The following ZFHX3 variants were observed in gnomAD, a reference collection of about 807,000 sequenced individuals.
The protein encoded by ZFHX3 is zinc finger homeobox 3.
In ZFHX3, 42 loss-of-function variants were observed where a neutral mutation model predicts 279.1. The observed-to-expected ratio is 0.15, with a 90% CI of 0.12 to 0.19. The LOEUF is 0.19. ZFHX3 is among the 10% of genes least tolerant of loss of function. The pLI is 1.00. For synonymous variants in ZFHX3, 2,293 were observed against 1,957.8 expected (o/e 1.17, Z -4.52); for missense variants, 4,981 against 4,754.0 (o/e 1.05, Z -1.40).
intron 7 of ZFHX3, among the ~76,000 whole-genome samples, chr16:73,124,119 T>A (rs980527009): frequency 2.0e-5 from 3 of 152,182 alleles, no homozygotes; most frequent in Non-Finnish European, 4.4e-5. Flanking sequence ...TACAACCTTG[T>A]ATAGGAGAGC....
chr16:73,620,919 A>G (rs1169779876), intron 2 of ZFHX3, among the ~76,000 whole-genome samples: 1 of 152,246 alleles, frequency 6.6e-6, no homozygotes, highest in Non-Finnish European at 1.5e-5. Flanking sequence ...TGGGTGAGAC[A>G]CAGCTTGGTG....
chr16:73,729,530 A>G (rs150038859), intron 1 of ZFHX3, among the ~76,000 whole-genome samples: 5,789 of 135,850 alleles, frequency 0.043, 140 homozygotes, highest in African/African-American at 0.087. Flanking sequence ...CTCCATCTCA[A>G]AAACAAACAA....
At chr16:73,699,045 T>C (rs2053223528) in intron 1 of ZFHX3, among the ~76,000 whole-genome samples, 1 of 152,162 alleles carries the variant, frequency 6.6e-6, no homozygotes, top group Non-Finnish European at 1.5e-5. Flanking sequence ...CTACCACGCC[T>C]GACTAATTGC....
chr16:72,812,125 T>C (rs1018938603), intron 5 of ZFHX3, 87 bp from the exon 6 acceptor site: 3 of 1,519,086 alleles, frequency 2.0e-6, no homozygotes, highest in African/African-American at 2.8e-5. Context: ...CAACATTCAT[T>C]TATAGCACAG....
chr16:73,535,130 T>C (rs1440279865), intron 2 of ZFHX3, among the ~76,000 whole-genome samples: 1 of 152,140 alleles, frequency 6.6e-6, no homozygotes, highest in Non-Finnish European at 1.5e-5. Context: ...TTTCCGACAC[T>C]ATGTCCCTGA....
chr16:73,712,922 A>G (rs1381653118), intron 1 of ZFHX3, among the ~76,000 whole-genome samples: 1 of 152,154 alleles, frequency 6.6e-6, no homozygotes. Flanking sequence ...TCCTATGTAC[A>G]TTGCAGGGTG....
At chr16:73,496,754 T>A (rs116818121) in intron 2 of ZFHX3, among the ~76,000 whole-genome samples, 261 of 151,952 alleles carry the variant, frequency 1.7e-3, no homozygotes, top group African/African-American at 5.9e-3. Context: ...TCTTGCCAAA[T>A]GACTTCTGCC....
At chr16:72,997,880 A>C (rs2144587613) in intron 1 of ZFHX3, among the ~76,000 whole-genome samples, 1 of 151,568 alleles carries the variant, frequency 6.6e-6, no homozygotes, top group African/African-American at 2.4e-5. Context: ...AGGAGTTCCA[A>C]GACCAGCCTG....
At chr16:72,791,686 G>C (rs933952908) in intron 9 of ZFHX3, 26 of 152,154 alleles carry the variant, frequency 1.7e-4, no homozygotes, top group African/African-American at 6.3e-4. Context: ...AGGGTCCTGG[G>C]CTGCAGGGGT....
chr16:73,541,442 C>T (rs113348991), intron 2 of ZFHX3, among the ~76,000 whole-genome samples: 1 of 151,986 alleles, frequency 6.6e-6, no homozygotes, highest in African/African-American at 2.4e-5. Context: ...GCTGTGATCA[C>T]AGCACTACAC....
At chr16:73,452,492 T>G (rs952534774) in intron 3 of ZFHX3, among the ~76,000 whole-genome samples, 1 of 152,214 alleles carries the variant, frequency 6.6e-6, no homozygotes, top group Non-Finnish European at 1.5e-5. Flanking sequence ...GGTAGTTAAA[T>G]CATTTTCCAT....
intron 1 of ZFHX3, among the ~76,000 whole-genome samples, chr16:73,018,420 A>G (rs1035289557): frequency 1.1e-4 from 16 of 152,126 alleles, no homozygotes; most frequent in Admixed American, 9.8e-4. Flanking sequence ...ATCCTGGCCA[A>G]CATGGTGAAA....
At position 72,951,575 on chromosome 16, in the gene ZFHX3, T is replaced by G. The variant is rs563877917; in HGVS notation, c.2720-610A>C. Among the ~76,000 whole-genome samples the G allele has an allele frequency of 6.2e-4, 95 of 152,318 alleles. 1 individual carries two copies. The highest frequency in any genetic ancestry group is 2.1e-3 in the African/African-American group (89 of 41,564). On this transcript the variant is annotated intron_variant, in intron 2 of 9. Transcript: ENST00000268489. ...CCGCGCCCAGCCACCTCTTTAATAT[T>G]TCAATTCATCCCTTCTCTGAGATCC...
chr16:73,337,251 C>T (rs142202663), intron 3 of ZFHX3, among the ~76,000 whole-genome samples: 2 of 152,266 alleles, frequency 1.3e-5, no homozygotes, highest in Admixed American at 6.5e-5. Context: ...CCTTATCCTA[C>T]GTCCTGTGGG....
At chr16:73,231,810 T>C (rs1481671833) in intron 5 of ZFHX3, among the ~76,000 whole-genome samples, 1 of 152,230 alleles carries the variant, frequency 6.6e-6, no homozygotes, top group Non-Finnish European at 1.5e-5. Context: ...TCTTTGCATA[T>C]TTCTTCTGGA....
intron 5 of ZFHX3, among the ~76,000 whole-genome samples, chr16:73,184,973 T>C (rs1181213542): frequency 2.0e-5 from 3 of 148,492 alleles, no homozygotes; most frequent in Non-Finnish European, 4.4e-5. Flanking sequence ...TTAAGGAACA[T>C]GCACCATCTC....
At chr16:73,565,235 C>T (rs2020433218) in intron 2 of ZFHX3, among the ~76,000 whole-genome samples, 1 of 150,902 alleles carries the variant, frequency 6.6e-6, no homozygotes, top group Non-Finnish European at 1.5e-5. Flanking sequence ...GCCTGAGCAA[C>T]AGAGCCAGAC....
At position 73,707,570 on chromosome 16, in the gene ZFHX3, T is replaced by A. The variant is rs565793313; in HGVS notation, c.-1607-27330A>T. Reference sequence around the variant, plus strand: ...ACACAGGGACACAGGAAGGGGAACATCACACACCGGGGACTATTGTGGGGT... The same window carrying A: ...ACACAGGGACACAGGAAGGGGAACAACACACACCGGGGACTATTGTGGGGT... On this transcript the variant is annotated intron_variant, in intron 1 of 17. Coordinates refer to the ZFHX3 transcript ENST00000641206. Among the ~76,000 whole-genome samples the A allele has an allele frequency of 5.8e-3, 644 of 110,510 alleles. 7 individuals are homozygous for A. The highest frequency in any genetic ancestry group is 0.021 in the African/African-American group (599 of 27,886). 72.5% of individuals were successfully genotyped at this position (110,510 alleles called of 152,430 possible).
intron 1 of ZFHX3, among the ~76,000 whole-genome samples, chr16:72,965,062 A>G (rs1335835452): frequency 7.4e-6 from 1 of 135,604 alleles, no homozygotes; most frequent in Non-Finnish European, 1.7e-5. Context: ...TAGTTTTAGT[A>G]TAGATGGGGT....
Sources: allele counts gnomAD v4.1 joint callset (sites outside exome capture counted in the v4.1 genomes callset), GRCh38; gene constraint gnomAD v4.1.1; transcripts MANE v1.5; gene names NCBI Gene and HGNC (gene_info 2026-07-23, HGNC 2026-07-21).